Variants in RB1 observed in about 807,000 individuals in gnomAD.
RB1 encodes retinoblastoma-associated protein.
In RB1, 18 loss-of-function variants were observed where a neutral mutation model predicts 135.4. The observed-to-expected ratio is 0.13, with a 90% CI of 0.09 to 0.20. RB1 has a LOEUF of 0.20. RB1 is among the 10% of genes least tolerant of loss of function. The probability of loss-of-function intolerance (pLI) is 1.00; values close to 1 mark genes in which losing one functional copy is unlikely to be tolerated. For missense variants in RB1, 868 were observed against 1,110.0 expected (o/e 0.78, Z 3.10); for synonymous variants, 365 against 373.2 (o/e 0.98, Z 0.25).
chr13:48,424,833 T>A (rs998701961), intron 17 of RB1, among the ~76,000 whole-genome samples: 1 of 152,028 alleles, frequency 6.6e-6, no homozygotes, highest in Admixed American at 6.6e-5. Flanking sequence ...CGGGCAGACC[T>A]CTTGAGGTCA....
chr13:48,380,999 G>A (rs543244893), intron 16 of RB1, among the ~76,000 whole-genome samples: 1 of 152,098 alleles, frequency 6.6e-6, no homozygotes, highest in East Asian at 1.9e-4. Flanking sequence ...TAAGTTTAGG[G>A]TATTTAAATC....
At chr13:48,304,913 T>C (rs1221798946) in intron 1 of RB1, among the ~76,000 whole-genome samples, 1 of 152,186 alleles carries the variant, frequency 6.6e-6, no homozygotes, top group Non-Finnish European at 1.5e-5. Flanking sequence ...AAATTAGTGG[T>C]TCTGTGCGCA....
chr13:48,361,552 G>T (rs976298929), intron 7 of RB1, among the ~76,000 whole-genome samples: 17 of 151,956 alleles, frequency 1.1e-4, no homozygotes, highest in African/African-American at 4.1e-4. Context: ...TTTTTAAAAA[G>T]CATAATTACA....
chr13:48,366,925 C>T (rs1030393211), intron 9 of RB1, among the ~76,000 whole-genome samples: 1 of 152,026 alleles, frequency 6.6e-6, no homozygotes, highest in African/African-American at 2.4e-5. Context: ...TCAAGACCAG[C>T]TTGGCCAACA....
At position 48,479,980 on chromosome 13, in the gene RB1, T is replaced by C. The variant is rs140331128; in HGVS notation, c.2714-18T>C. 13 of 1,607,624 alleles carry C rather than the reference T, an allele frequency of 8.1e-6. No individual in the cohort carries two copies. In the East Asian group the frequency reaches 2.9e-4, roughly 36 times the overall value. ...CAGTACCATCAATGCTGTTAACAGTTCTTCATCCTTTTTCCAGCTTCTACT... is the reference window on the plus strand; with the variant it reads ...CAGTACCATCAATGCTGTTAACAGTCCTTCATCCTTTTTCCAGCTTCTACT... On this transcript the variant is annotated intron_variant, in intron 26 of 26. Coordinates refer to ENST00000267163, the MANE Select transcript of RB1 (RefSeq NM_000321.3).
intron 2 of RB1, among the ~76,000 whole-genome samples, chr13:48,341,757 A>G (rs1383649369): frequency 6.6e-6 from 1 of 152,046 alleles, no homozygotes; most frequent in Admixed American, 6.5e-5. Flanking sequence ...AAGCTTTTAT[A>G]TAATTGATAT....
At chr13:48,459,593 CA>C in intron 19 of RB1, 94 bp from the exon 20 acceptor site, 1 of 1,280,022 alleles carries the variant, frequency 7.8e-7, no homozygotes, top group Non-Finnish European at 1.1e-6. Context: ...TGCTACTTAA[CA>C]GCATTATAAT....
In RB1 at chr13:48,473,377, G is replaced by A. The variant is rs1394610552; in HGVS notation, c.2507G>A (p.Gly836Asp). The A allele has an allele frequency of 2.5e-6, 4 of 1,569,174 alleles. No homozygotes were observed. ...TPRSRILVSIGESFGTSEKFQ... is the reference protein window; with the variant it reads ...TPRSRILVSIDESFGTSEKFQ... ...CTTGACAGAATCTTAGTATCAATTGGTGAATCATTCGGGGTGAGTATTTTC... is the reference window on the plus strand; with the variant it reads ...CTTGACAGAATCTTAGTATCAATTGATGAATCATTCGGGGTGAGTATTTTC... Residue 836 changes from glycine (G) to aspartate (D), a missense_variant, in exon 24 of 27, where the codon GGT (glycine) becomes GAT (aspartate). By Grantham distance (94) the Gly-to-Asp change is moderately conservative (BLOSUM62 -1). Coordinates refer to ENST00000267163, the MANE Select transcript of RB1 (RefSeq NM_000321.3).
In RB1 at chr13:48,430,632, C is replaced by T. The variant is rs559339850; in HGVS notation, c.1696-22361C>T. 3.9e-3 allele frequency among the ~76,000 whole-genome samples: 597 copies of T among 152,122 alleles called. 6 individuals carry two copies. The highest frequency in any genetic ancestry group is 0.012 in the African/African-American group (517 of 41,504). The stretch of plus-strand genomic sequence containing the variant: ...GCACGTGCCTGTAGTCCCAGATACT[C>T]GGAAGGCTGAGGCAGGAGAATGGCT... On this transcript the variant is annotated intron_variant, in intron 17 of 26. Coordinates refer to ENST00000267163, the MANE Select transcript of RB1 (RefSeq NM_000321.3).
intron 6 of RB1, among the ~76,000 whole-genome samples, chr13:48,350,705 T>C (rs187825245): frequency 6.6e-6 from 1 of 152,286 alleles, no homozygotes; most frequent in African/African-American, 2.4e-5. Context: ...CCAATAGCTA[T>C]TTTTTCTGTT....
chr13:48,456,033 A>G (rs980195501), intron 18 of RB1, among the ~76,000 whole-genome samples, 171 bp from the exon 19 acceptor site: 4 of 152,230 alleles, frequency 2.6e-5, no homozygotes, highest in African/African-American at 9.6e-5. Context: ...AGATATGATG[A>G]TGACAAGCAG....
intron 17 of RB1, among the ~76,000 whole-genome samples, chr13:48,447,457 G>A (rs1021005361): frequency 2.6e-5 from 4 of 152,094 alleles, no homozygotes; most frequent in East Asian, 1.9e-4. Context: ...ACAGTCATAC[G>A]TTTGAGGAAA....
intron 2 of RB1, among the ~76,000 whole-genome samples, chr13:48,309,966 T>C (rs1952117725): frequency 6.6e-6 from 1 of 152,114 alleles, no homozygotes; most frequent in Non-Finnish European, 1.5e-5. Context: ...ATGGAGCTCA[T>C]AATGGGGACT....
At chr13:48,386,809 G>T (rs868169094) in intron 17 of RB1, among the ~76,000 whole-genome samples, 7 of 152,260 alleles carry the variant, frequency 4.6e-5, no homozygotes, top group Non-Finnish European at 8.8e-5. Context: ...TTTACAAGAA[G>T]TACATAATTC....
In RB1 at chr13:48,320,388, C is replaced by T. The variant is rs549573609; in HGVS notation, c.264+12982C>T. 1.6e-4 allele frequency: 192 copies of T among 1,185,906 alleles called. No homozygotes were observed. The East Asian group carries it at 4.4e-3, about 27-fold the overall frequency. 73.5% of individuals were successfully genotyped at this position (1,185,906 alleles called of 1,614,324 possible). A position where few individuals can be genotyped will look rare whatever the true frequency, so the allele number is the denominator to read the frequency against. Reference sequence around the variant, plus strand: ...CCCCCTCGTCAGCCTCCGAGAAGCACCCGGGGAACCTAAAGCTCCCTGGTG... The same window carrying T: ...CCCCCTCGTCAGCCTCCGAGAAGCATCCGGGGAACCTAAAGCTCCCTGGTG... On this transcript the variant is annotated intron_variant, in intron 2 of 26. Coordinates refer to ENST00000267163, the MANE Select transcript of RB1 (RefSeq NM_000321.3).
intron 5 of RB1, 42 bp downstream of exon 5, chr13:48,347,905 G>A (rs371791578): frequency 7.0e-7 from 1 of 1,418,972 alleles, no homozygotes; most frequent in Non-Finnish European, 9.9e-7. Flanking sequence ...TAAAAAAAAA[G>A]ATTTTTATGG....
Position 48,303,987 on chromosome 13 carries a change from G to A in RB1, c.75G>A (p.Pro25=), listed in dbSNP as rs2138027609. 6.7e-7 allele frequency: 1 copy of A among 1,498,754 alleles called. No individual in the cohort carries two copies. The allele number at this position is 1,498,754 out of a possible 1,614,324, so 92.8% of individuals were successfully genotyped here. The change falls in exon 1 of 27, where the codon CCG becomes CCA. Residue 25 remains proline, a synonymous_variant. Coordinates refer to ENST00000267163, the MANE Select transcript of RB1 (RefSeq NM_000321.3). The stretch of plus-strand genomic sequence containing the variant: ...CCGCGGAACCCCCGGCACCGCCGCC[G>A]CCGCCCCCTCCTGAGGAGGACCCAG... ...AAAAEPPAPP[P]PPPPEEDPEQ...
At chr13:48,310,910 A>T (rs957711410) in intron 2 of RB1, among the ~76,000 whole-genome samples, 2 of 152,134 alleles carry the variant, frequency 1.3e-5, no homozygotes, top group Admixed American at 1.3e-4. Flanking sequence ...ATAAGGTTAG[A>T]TTGTATTTAT....
rs938037004 is a variant in RB1 at position 48,303,787 on chromosome 13, C to T, written c.-126C>T. The T allele has an allele frequency of 5.7e-6, 8 of 1,393,038 alleles. No individual in the cohort carries two copies. The African/African-American group carries it at 9.1e-5, about 16-fold the overall frequency. The allele number at this position is 1,393,038 out of a possible 1,614,324, so 86.3% of individuals were successfully genotyped here. ...GGGGGAGGGCGCGTCCGGTTTTTCT[C>T]AGGGGACGTTGAAATTATTTTTGTA... On this transcript the variant is annotated 5_prime_UTR_variant, in exon 1 of 27. Transcript: ENST00000267163.
Sources: allele counts gnomAD v4.1 joint callset (sites outside exome capture counted in the v4.1 genomes callset), GRCh38; gene constraint gnomAD v4.1.1; transcripts MANE v1.5; gene names NCBI Gene and HGNC (gene_info 2026-07-23, HGNC 2026-07-21).